The following ROR2 variants were observed in gnomAD, a reference collection of about 807,000 sequenced individuals.
ROR2 encodes ROR family WNT receptor 2.
In ROR2, 33 loss-of-function variants were observed where a neutral mutation model predicts 74.9. That is an observed-to-expected ratio of 0.44 (90% CI 0.33 to 0.59). The LOEUF (loss-of-function observed/expected upper bound fraction) is 0.59, where lower values mean the gene tolerates loss of function less well. ROR2 is among the 20% of genes least tolerant of loss of function. ROR2 has a pLI of 0.02. For synonymous variants in ROR2, 586 were observed against 558.7 expected (o/e 1.05, Z -0.69); for missense variants, 1,216 against 1,313.8 (o/e 0.93, Z 1.15).
chr9:91,770,753 T>G (rs1826200545), intron 2 of ROR2, among the ~76,000 whole-genome samples: 1 of 152,226 alleles, frequency 6.6e-6, no homozygotes, highest in Non-Finnish European at 1.5e-5. Context: ...ATGCTGACTA[T>G]GTTTGCAGGG....
At chr9:91,753,801 A>G (rs956566877) in intron 4 of ROR2, among the ~76,000 whole-genome samples, 2 of 152,246 alleles carry the variant, frequency 1.3e-5, no homozygotes, top group Admixed American at 1.3e-4. Context: ...GTATAGCATC[A>G]TTTATGTAAA....
intron 6 of ROR2, among the ~76,000 whole-genome samples, 198 bp downstream of exon 6, chr9:91,732,924 C>T (rs1351633482): frequency 2.0e-5 from 3 of 152,240 alleles, no homozygotes; most frequent in African/African-American, 7.2e-5. Flanking sequence ...TGAATGGCTC[C>T]AAAGCCCCTG....
chr9:91,920,432 A>G (rs12684333), intron 1 of ROR2, among the ~76,000 whole-genome samples: 18,556 of 152,172 alleles, frequency 0.12, 1,569 homozygotes, highest in East Asian at 0.28. Context: ...CTTGTGCCCA[A>G]GAGTTTGAGG....
chr9:91,842,875 G>A (rs770292396), intron 1 of ROR2, among the ~76,000 whole-genome samples: 1 of 152,180 alleles, frequency 6.6e-6, no homozygotes, highest in Non-Finnish European at 1.5e-5. Context: ...TGGTGAGGGG[G>A]GCATCCCCTC....
intron 1 of ROR2, 31 bp from the exon 2 acceptor site, chr9:91,775,849 A>G (rs781044205): frequency 8.1e-6 from 13 of 1,602,264 alleles, no homozygotes; most frequent in Non-Finnish European, 9.4e-6. Flanking sequence ...TAGGTATTAA[A>G]CAAGTTTTCC....
chr9:91,948,567 C>A (rs949119602), intron 1 of ROR2: 8 of 985,110 alleles, frequency 8.1e-6, no homozygotes, highest in Non-Finnish European at 9.6e-6. Flanking sequence ...ACTAAAACCC[C>A]CCCCCAGGAA....
chr9:91,748,671 A>G (rs1163608469), intron 4 of ROR2, among the ~76,000 whole-genome samples: 1 of 152,228 alleles, frequency 6.6e-6, no homozygotes, highest in Non-Finnish European at 1.5e-5. Flanking sequence ...GAATCAATGA[A>G]CCACCTGGAA....
intron 4 of ROR2, among the ~76,000 whole-genome samples, chr9:91,741,223 C>T (rs1374827701): frequency 6.6e-6 from 1 of 151,658 alleles, no homozygotes; most frequent in Non-Finnish European, 1.5e-5. Flanking sequence ...TCGCTTGAAC[C>T]CGGGAGGCAG....
chr9:91,791,577 C>G (rs1007431089), intron 1 of ROR2, among the ~76,000 whole-genome samples: 2 of 152,130 alleles, frequency 1.3e-5, no homozygotes, highest in African/African-American at 4.8e-5. Flanking sequence ...ACAACAGAGA[C>G]CCACAATATG....
chr9:91,839,251 GGTGTGTGTGT>G lies in ROR2; in HGVS notation c.98-63443_98-63434del, dbSNP rs56134220. ...TGATTCCTGGTGCTGTCAGATCGGG[GGTGTGTGTGT>G]GTGTGTGTGTGTGTGTGTGTGTGTG... On this transcript the variant is annotated intron_variant, in intron 1 of 8. Transcript: ENST00000375708. Among the ~76,000 whole-genome samples the G allele has an allele frequency of 1.0e-3, 111 of 107,796 alleles. 1 individual carries two copies. The highest frequency in any genetic ancestry group is 1.7e-3 in the Non-Finnish European group (84 of 49,498). 70.7% of individuals were successfully genotyped at this position (107,796 alleles called of 152,430 possible).
intron 1 of ROR2, among the ~76,000 whole-genome samples, chr9:91,822,038 G>GA (rs1828155194): frequency 6.6e-6 from 1 of 152,052 alleles, no homozygotes; most frequent in South Asian, 2.1e-4. Context: ...GAAAAGGCTA[G>GA]AAAAAAAGGC....
chr9:91,888,276 G>A (rs1467302379), intron 1 of ROR2, among the ~76,000 whole-genome samples: 1 of 152,028 alleles, frequency 6.6e-6, no homozygotes, highest in Non-Finnish European at 1.5e-5. Flanking sequence ...TTATATTTTT[G>A]AGATCCATTT....
chr9:91,855,232 A>C (rs749207472), intron 1 of ROR2, among the ~76,000 whole-genome samples: 1 of 152,192 alleles, frequency 6.6e-6, no homozygotes, highest in Non-Finnish European at 1.5e-5. Flanking sequence ...CTGGATTGCT[A>C]ATAGTTGCTC....
At chr9:91,730,819 G>A in intron 7 of ROR2, 91 bp downstream of exon 7, 15 of 1,561,768 alleles carry the variant, frequency 9.6e-6, no homozygotes, top group African/African-American at 1.4e-5. Context: ...CCGTACAGAG[G>A]CACACCCCAA....
chr9:91,788,453 C>T lies in ROR2; in HGVS notation c.98-12635G>A, dbSNP rs147092653. On this transcript the variant is annotated intron_variant, in intron 1 of 8. Coordinates refer to ENST00000375708, the MANE Select transcript of ROR2 (RefSeq NM_004560.4). ...AGAATCTTGAAAGCAGCAGGAGAAGCGGTTTATCTCATAAAAGGGATCTTC... is the reference window on the plus strand; with the variant it reads ...AGAATCTTGAAAGCAGCAGGAGAAGTGGTTTATCTCATAAAAGGGATCTTC... 2.4e-3 allele frequency among the ~76,000 whole-genome samples: 364 copies of T among 151,778 alleles called. 1 individual carries two copies. The highest frequency in any genetic ancestry group is 8.2e-3 in the African/African-American group (340 of 41,336).
rs746015960 is a variant in ROR2 at position 91,733,431 on chromosome 9, A to C, written c.628T>G (p.Phe210Val). 4 of 1,610,406 alleles carry C rather than the reference A, an allele frequency of 2.5e-6. No homozygotes were observed. The highest frequency in any genetic ancestry group is 2.5e-6 in the Non-Finnish European group (3 of 1,179,488). The change falls in exon 6 of 9, where the codon TTC becomes GTC. Residue 210 changes from phenylalanine (F) to valine (V), a missense_variant. Physicochemically the swap from Phe to Val is conservative, Grantham distance 50. Transcript: ENST00000375708. The surrounding 1 kb of genome is among the most constrained non-coding windows in gnomAD (Gnocchi z 5.7). The stretch of plus-strand genomic sequence containing the variant: ...TGCGTAGACGTGCCGATCATGGTGA[A>C]GGCCGCTGCAGAGCCCGCGAGACTC... ...GEIENRITAA[F>V]TMIGTSTHLS...
chr9:91,904,676 T>C (rs10820915), intron 1 of ROR2, among the ~76,000 whole-genome samples: 38,562 of 152,088 alleles, frequency 0.25, 5,294 homozygotes, highest in Admixed American at 0.42. Context: ...AGGATGTCCC[T>C]TCCAGGCTGT....
intron 1 of ROR2, among the ~76,000 whole-genome samples, chr9:91,900,643 CG>C (rs1361967995): frequency 6.6e-6 from 1 of 152,168 alleles, no homozygotes; most frequent in Non-Finnish European, 1.5e-5. Context: ...GGACTCCTCG[CG>C]GGGCACGTCG....
chr9:91,768,760 C>T (rs999109171), intron 2 of ROR2, among the ~76,000 whole-genome samples: 1 of 152,148 alleles, frequency 6.6e-6, no homozygotes, highest in Non-Finnish European at 1.5e-5. Flanking sequence ...CTCAGGTGCC[C>T]GGCCCAAACT....
Sources: allele counts gnomAD v4.1 joint callset (sites outside exome capture counted in the v4.1 genomes callset), GRCh38; gene constraint gnomAD v4.1.1; non-coding constraint Gnocchi (gnomAD v3.1); transcripts MANE v1.5; gene names NCBI Gene and HGNC (gene_info 2026-07-23, HGNC 2026-07-21).